Variants in GTF2F2 observed in about 807,000 individuals in gnomAD.
The protein encoded by GTF2F2 is ATP-dependent helicase GTF2F2.
In GTF2F2, 23 loss-of-function variants were observed where a neutral mutation model predicts 42.2. The ratio of observed to expected loss-of-function variants is 0.55; its 90% confidence interval spans 0.39 to 0.77. The LOEUF (loss-of-function observed/expected upper bound fraction) is 0.77, where lower values mean the gene tolerates loss of function less well. Ranked by LOEUF, GTF2F2 falls within the 30% of genes least tolerant of loss-of-function variation. The pLI is 0.00. For synonymous variants in GTF2F2, 105 were observed against 100.8 expected (o/e 1.04, Z -0.25); for missense variants, 261 against 287.2 (o/e 0.91, Z 0.66).
chr13:45,251,287 T>C (rs1467416019), intron 5 of GTF2F2, among the ~76,000 whole-genome samples: 1 of 152,186 alleles, frequency 6.6e-6, no homozygotes, highest in Non-Finnish European at 1.5e-5. Flanking sequence ...TAATTCTGCT[T>C]TTGAAGGAAT....
intron 4 of GTF2F2, among the ~76,000 whole-genome samples, chr13:45,168,445 A>G (rs1871409108): frequency 6.6e-6 from 1 of 152,244 alleles, no homozygotes; most frequent in South Asian, 2.1e-4. Flanking sequence ...ATAAACACCC[A>G]GCTCCTTTAA....
intron 1 of GTF2F2, among the ~76,000 whole-genome samples, chr13:45,126,756 T>C (rs1211035134): frequency 6.6e-6 from 1 of 152,250 alleles, no homozygotes. Flanking sequence ...ACAATTATTT[T>C]CAGAGAAGGA....
intron 4 of GTF2F2, among the ~76,000 whole-genome samples, chr13:45,152,223 G>A (rs1870537353): frequency 6.6e-6 from 1 of 151,892 alleles, no homozygotes. Flanking sequence ...CCTCCTGTTT[G>A]CTTTTTTAAG....
chr13:45,250,697 C>T (rs986439403), intron 5 of GTF2F2, among the ~76,000 whole-genome samples: 4 of 152,046 alleles, frequency 2.6e-5, no homozygotes, highest in African/African-American at 4.8e-5. Flanking sequence ...TGGAGAGATA[C>T]GCAGGGACTA....
At position 45,130,332 on chromosome 13, in the gene GTF2F2, G is replaced by T. The variant is rs111844738; in HGVS notation, c.67-6401G>T. 2.2e-3 allele frequency among the ~76,000 whole-genome samples: 330 copies of T among 152,336 alleles called. 3 individuals carry two copies. Among genetic ancestry groups the T allele is most frequent in the African/African-American group, 7.6e-3 (315 of 41,570 alleles). On this transcript the variant is annotated intron_variant, in intron 1 of 7. Transcript: ENST00000340473. Reference sequence around the variant, plus strand: ...ATAGGGCTGTTATAAGGATTAAATGGAGTAATATTTGTAAAGTGTTTAGAA... The same window carrying T: ...ATAGGGCTGTTATAAGGATTAAATGTAGTAATATTTGTAAAGTGTTTAGAA...
At chr13:45,121,085 G>A (rs952160247) in intron 1 of GTF2F2, among the ~76,000 whole-genome samples, 19 of 152,188 alleles carry the variant, frequency 1.2e-4, no homozygotes, top group Admixed American at 1.2e-3. Context: ...CCTGCGTGAG[G>A]TAGTTGAATG....
intron 4 of GTF2F2, among the ~76,000 whole-genome samples, chr13:45,182,924 G>A (rs1046629322): frequency 2.0e-5 from 3 of 152,030 alleles, no homozygotes; most frequent in Non-Finnish European, 2.9e-5. Flanking sequence ...TAGCACACTC[G>A]TCAGGCAGGC....
chr13:45,213,044 TTTTATTTA>T (rs557204553), intron 5 of GTF2F2, among the ~76,000 whole-genome samples: 17 of 151,426 alleles, frequency 1.1e-4, no homozygotes, highest in African/African-American at 2.2e-4. Flanking sequence ...GCCCGGCTAA[TTTTATTTA>T]TTTATTTATT....
chr13:45,214,370 C>G (rs1272758919), intron 5 of GTF2F2, among the ~76,000 whole-genome samples: 2 of 152,056 alleles, frequency 1.3e-5, no homozygotes, highest in African/African-American at 4.8e-5. Flanking sequence ...AAGAAATGAC[C>G]TTCAGTCGAT....
intron 5 of GTF2F2, among the ~76,000 whole-genome samples, chr13:45,234,060 C>A (rs765279932): frequency 6.6e-6 from 1 of 152,190 alleles, no homozygotes; most frequent in South Asian, 2.1e-4. Flanking sequence ...CCATAAGCAA[C>A]GCAGATCATC....
rs59322902 is a variant in GTF2F2, at chr13:45,274,008, G to A, written c.630+6632G>A. On this transcript the variant is annotated intron_variant, in intron 7 of 7. Transcript: ENST00000340473. ...CTGTGGTGTTGGATCGGTGTTCGAAGCCTCCCATTTCTCTGAGCAGGTGGA... is the reference window on the plus strand; with the variant it reads ...CTGTGGTGTTGGATCGGTGTTCGAAACCTCCCATTTCTCTGAGCAGGTGGA... 2.8e-3 allele frequency among the ~76,000 whole-genome samples: 420 copies of A among 152,180 alleles called. 1 individual carries two copies. Among genetic ancestry groups the A allele is most frequent in the African/African-American group, 9.5e-3 (393 of 41,508 alleles).
At chr13:45,184,469 G>A (rs1226263663) in intron 4 of GTF2F2, among the ~76,000 whole-genome samples, 2 of 149,638 alleles carry the variant, frequency 1.3e-5, no homozygotes, top group African/African-American at 2.5e-5. Flanking sequence ...CCTCACTGCA[G>A]CCTCGAACTC....
At chr13:45,243,504 T>C (rs532531789) in intron 5 of GTF2F2, among the ~76,000 whole-genome samples, 1 of 152,342 alleles carries the variant, frequency 6.6e-6, no homozygotes. Flanking sequence ...AAAAATTGTC[T>C]TCCACAAAAC....
At chr13:45,185,450 C>G (rs1872373556) in intron 4 of GTF2F2, among the ~76,000 whole-genome samples, 1 of 151,512 alleles carries the variant, frequency 6.6e-6, no homozygotes, top group Non-Finnish European at 1.5e-5. Flanking sequence ...ATTGTAAGCA[C>G]ATGTAGACTT....
chr13:45,145,492 C>A (rs1038065377), intron 2 of GTF2F2, among the ~76,000 whole-genome samples: 1 of 152,136 alleles, frequency 6.6e-6, no homozygotes, highest in Non-Finnish European at 1.5e-5. Flanking sequence ...GTGAACAGAG[C>A]TAGGGAGCAT....
At chr13:45,207,575 C>T (rs1353085836) in intron 5 of GTF2F2, 70 bp downstream of exon 5, 13 of 899,860 alleles carry the variant, frequency 1.4e-5, no homozygotes, top group South Asian at 6.8e-5. Context: ...TGTGTTATAT[C>T]GCCTATTGAC....
chr13:45,235,594 C>CT (rs1251596236), intron 5 of GTF2F2, among the ~76,000 whole-genome samples: 66 of 144,626 alleles, frequency 4.6e-4, no homozygotes, highest in South Asian at 3.1e-3. Flanking sequence ...TTTCCTTTTT[C>CT]TTTTTTTTTT....
rs73181599 is a variant in GTF2F2 at position 45,184,768 on chromosome 13, G to A, written c.305-22656G>A. ...GTGCCTTTTGCTTCACTAAACACCTGAGTGTTAACTGCCAAATTTGTATAT... is the reference window on the plus strand; with the variant it reads ...GTGCCTTTTGCTTCACTAAACACCTAAGTGTTAACTGCCAAATTTGTATAT... On this transcript the variant is annotated intron_variant, in intron 4 of 7. Transcript: ENST00000340473. Among the ~76,000 whole-genome samples, 1,263 of 152,222 alleles carry A rather than the reference G, an allele frequency of 8.3e-3. 9 individuals are homozygous for A. Among genetic ancestry groups the A allele is most frequent in the Non-Finnish European group, 0.012 (812 of 68,034 alleles).
intron 4 of GTF2F2, among the ~76,000 whole-genome samples, chr13:45,170,336 CAT>C (rs757645663): frequency 1.3e-5 from 2 of 152,198 alleles, no homozygotes; most frequent in African/African-American, 4.8e-5. Context: ...TTGTAACACG[CAT>C]AGTCTGGTAA....
Sources: allele counts gnomAD v4.1 joint callset (sites outside exome capture counted in the v4.1 genomes callset), GRCh38; gene constraint gnomAD v4.1.1; transcripts MANE v1.5; gene names NCBI Gene and HGNC (gene_info 2026-07-23, HGNC 2026-07-21).